CNTNAP2: variants seen among roughly 807,000 people sequenced by gnomAD.
CNTNAP2 encodes the protein contactin-associated protein-like 2.
In CNTNAP2, 98 loss-of-function variants were observed where a neutral mutation model predicts 155.2. The observed-to-expected ratio is 0.63, with a 90% CI of 0.54 to 0.75. The LOEUF (loss-of-function observed/expected upper bound fraction) is 0.75, where lower values mean the gene tolerates loss of function less well. CNTNAP2 is among the 30% of genes least tolerant of loss of function. The pLI, the probability that CNTNAP2 is intolerant of heterozygous loss-of-function variation, is 0.00. For synonymous variants in CNTNAP2, 651 were observed against 631.2 expected (o/e 1.03, Z -0.47); for missense variants, 1,727 against 1,688.1 (o/e 1.02, Z -0.40).
chr7:147,601,155 C>G (rs7781600), intron 12 of CNTNAP2, among the ~76,000 whole-genome samples: 105,065 of 151,944 alleles, frequency 0.69, 36,922 homozygotes, highest in African/African-American at 0.81. Flanking sequence ...TCTGTCTCCT[C>G]CCTCCTGTGA....
At chr7:147,662,040 T>C (rs17327477) in intron 13 of CNTNAP2, among the ~76,000 whole-genome samples, 3,042 of 152,286 alleles carry the variant, frequency 0.02, 35 homozygotes, top group Middle Eastern at 0.031. Context: ...CTCTGAGTCT[T>C]GGTTTTCTTT....
intron 9 of CNTNAP2, among the ~76,000 whole-genome samples, chr7:147,351,103 C>G (rs961985035): frequency 1.3e-5 from 2 of 151,742 alleles, no homozygotes; most frequent in African/African-American, 4.8e-5. Context: ...CCAAAAACTT[C>G]AGGTATTTTT....
chr7:147,298,041 T>C (rs1794871298), intron 8 of CNTNAP2, among the ~76,000 whole-genome samples: 1 of 152,226 alleles, frequency 6.6e-6, no homozygotes, highest in African/African-American at 2.4e-5. Context: ...TTTATACATA[T>C]ATTCACTTGT....
intron 13 of CNTNAP2, among the ~76,000 whole-genome samples, chr7:147,710,324 A>G (rs1399738583): frequency 1.3e-5 from 2 of 152,102 alleles, no homozygotes; most frequent in Non-Finnish European, 2.9e-5. Context: ...CATAAATCCC[A>G]TCATAATTTA....
At chr7:147,977,759 C>T (rs1186685425) in intron 14 of CNTNAP2, 103 bp from the exon 15 acceptor site, 17 of 1,500,370 alleles carry the variant, frequency 1.1e-5, no homozygotes, top group South Asian at 2.3e-5. Context: ...AACTTCCAAA[C>T]GATTACTGAA....
At chr7:147,453,135 C>G (rs907154250) in intron 10 of CNTNAP2, among the ~76,000 whole-genome samples, 111 of 152,142 alleles carry the variant, frequency 7.3e-4, no homozygotes, top group African/African-American at 2.3e-3. Flanking sequence ...GCTGGCAAAG[C>G]CTGCTCCTCA....
At chr7:147,920,544 G>A (rs989540268) in intron 14 of CNTNAP2, among the ~76,000 whole-genome samples, 6 of 152,008 alleles carry the variant, frequency 3.9e-5, no homozygotes, top group African/African-American at 1.2e-4. Flanking sequence ...CTGTGATCAG[G>A]TCTCCTTCAA....
At chr7:148,034,022 TAAAC>T (rs1802528745) in intron 15 of CNTNAP2, among the ~76,000 whole-genome samples, 1 of 152,062 alleles carries the variant, frequency 6.6e-6, no homozygotes, top group Non-Finnish European at 1.5e-5. Context: ...AACTCTAGAA[TAAAC>T]AAAGACATAG....
intron 1 of CNTNAP2, among the ~76,000 whole-genome samples, chr7:146,196,981 AT>A (rs1238419767): frequency 2.0e-5 from 3 of 152,034 alleles, no homozygotes; most frequent in South Asian, 4.2e-4. Context: ...TTTTGTACAA[AT>A]TTTTTTCCCC....
chr7:147,620,519 C>A (rs1480397826), intron 12 of CNTNAP2, among the ~76,000 whole-genome samples: 1 of 149,326 alleles, frequency 6.7e-6, no homozygotes, highest in Non-Finnish European at 1.5e-5. Context: ...ACTAATATAT[C>A]ATATAATTAT....
intron 2 of CNTNAP2, among the ~76,000 whole-genome samples, chr7:146,814,565 G>A (rs1280533855): frequency 6.6e-6 from 1 of 152,046 alleles, no homozygotes; most frequent in East Asian, 1.9e-4. Flanking sequence ...TTTAGCATTT[G>A]GAAACTGGCT....
At chr7:148,097,494 G>T (rs1350222442) in intron 15 of CNTNAP2, among the ~76,000 whole-genome samples, 3 of 151,738 alleles carry the variant, frequency 2.0e-5, no homozygotes, top group Non-Finnish European at 4.4e-5. Context: ...CTCTTTTTTG[G>T]GGGGGCGGGG....
intron 18 of CNTNAP2, among the ~76,000 whole-genome samples, chr7:148,194,140 T>C (rs921092310): frequency 3.4e-5 from 5 of 148,984 alleles, no homozygotes; most frequent in African/African-American, 1.3e-4. Context: ...CTGGCTAGTG[T>C]GTGTGTGTGT....
intron 15 of CNTNAP2, among the ~76,000 whole-genome samples, chr7:148,009,487 G>A (rs529544977): frequency 1.3e-5 from 2 of 152,036 alleles, no homozygotes; most frequent in Non-Finnish European, 2.9e-5. Context: ...AATTAAATTT[G>A]TATATTATGC....
chr7:147,419,839 T>C (rs535744345), intron 10 of CNTNAP2, among the ~76,000 whole-genome samples: 1 of 152,346 alleles, frequency 6.6e-6, no homozygotes, highest in East Asian at 1.9e-4. Flanking sequence ...CTCAAAGTTC[T>C]AGAATAGTTA....
chr7:146,484,985 A>G (rs944296345), intron 1 of CNTNAP2, among the ~76,000 whole-genome samples: 2 of 152,198 alleles, frequency 1.3e-5, no homozygotes, highest in Non-Finnish European at 1.5e-5. Flanking sequence ...AAAAGCTTTT[A>G]TTATAGCATT....
intron 13 of CNTNAP2, among the ~76,000 whole-genome samples, chr7:147,880,489 A>T (rs1282022102): frequency 6.6e-6 from 1 of 152,152 alleles, no homozygotes; most frequent in Non-Finnish European, 1.5e-5. Context: ...CGTACAAATG[A>T]GTGAGTCCTG....
chr7:146,227,390 A>C (rs978496885), intron 1 of CNTNAP2, among the ~76,000 whole-genome samples: 3 of 146,564 alleles, frequency 2.0e-5, no homozygotes, highest in Non-Finnish European at 3.0e-5. Flanking sequence ...GTGCCACTGC[A>C]CTCCAGCCTG....
At chr7:146,587,037 T>A (rs202132980) in intron 1 of CNTNAP2, among the ~76,000 whole-genome samples, 25 of 144,344 alleles carry the variant, frequency 1.7e-4, no homozygotes, top group Admixed American at 1.3e-3. Context: ...TGTTTTATTT[T>A]TTTTTTTTTA....
Sources: allele counts gnomAD v4.1 joint callset (sites outside exome capture counted in the v4.1 genomes callset), GRCh38; gene constraint gnomAD v4.1.1; transcripts MANE v1.5; gene names NCBI Gene and HGNC (gene_info 2026-07-23, HGNC 2026-07-21).